Variants in ARHGEF3 observed in about 807,000 individuals in gnomAD.
ARHGEF3 encodes the protein Rho guanine nucleotide exchange factor 3, also known as 59.8 kDA protein.
ARHGEF3 carries 28 observed loss-of-function variants against 63.2 expected under a neutral mutation model. That is an observed-to-expected ratio of 0.44 (90% CI 0.33 to 0.61). The LOEUF (loss-of-function observed/expected upper bound fraction) is 0.61. Among genes scored for constraint, ARHGEF3 ranks in the 20% least tolerant of loss-of-function variants. ARHGEF3 has a pLI of 0.03. For missense variants in ARHGEF3, 533 were observed against 659.3 expected (o/e 0.81, Z 2.10); for synonymous variants, 266 against 254.2 (o/e 1.05, Z -0.44).
At chr3:57,010,661 T>C (rs886666029) in intron 2 of ARHGEF3, among the ~76,000 whole-genome samples, 3 of 152,268 alleles carry the variant, frequency 2.0e-5, no homozygotes, top group Non-Finnish European at 4.4e-5. Flanking sequence ...ACTTTAGGTG[T>C]GTAAAACTCC....
chr3:56,992,006 C>T (rs552087832), intron 2 of ARHGEF3, among the ~76,000 whole-genome samples: 1 of 147,824 alleles, frequency 6.8e-6, no homozygotes, highest in Non-Finnish European at 1.5e-5. Flanking sequence ...CACTCTCACT[C>T]TCTCTCCCCT....
intron 3 of ARHGEF3, among the ~76,000 whole-genome samples, chr3:56,892,018 G>C (rs1036960546): frequency 7.2e-5 from 11 of 152,140 alleles, no homozygotes; most frequent in African/African-American, 2.4e-4. Context: ...TCTCCCACGG[G>C]AGGGAAGACA....
chr3:56,820,233 A>G (rs2038429648), intron 4 of ARHGEF3, among the ~76,000 whole-genome samples: 1 of 152,220 alleles, frequency 6.6e-6, no homozygotes, highest in Non-Finnish European at 1.5e-5. Context: ...GTATCTGCTC[A>G]GCTGTATAAG....
chr3:57,035,339 TACA>T (rs912536560), intron 1 of ARHGEF3, among the ~76,000 whole-genome samples: 3 of 152,170 alleles, frequency 2.0e-5, no homozygotes, highest in Admixed American at 1.3e-4. Flanking sequence ...TTTTATCAGG[TACA>T]ACATTTTCTT....
chr3:56,834,187 G>A (rs2039027591), intron 4 of ARHGEF3, among the ~76,000 whole-genome samples: 1 of 152,104 alleles, frequency 6.6e-6, no homozygotes. Flanking sequence ...ACAAGCGTAA[G>A]CCACCACGCC....
Position 56,773,699 on chromosome 3 carries a change from C to A in ARHGEF3, c.204+10G>T. 6.4e-7 allele frequency: 1 copy of A among 1,565,304 alleles called. No individual in the cohort carries two copies. The highest frequency in any genetic ancestry group is 8.6e-7 in the Non-Finnish European group (1 of 1,161,976). On this transcript the variant is annotated intron_variant, in intron 2 of 9. Coordinates refer to ENST00000296315, the MANE Select transcript of ARHGEF3 (RefSeq NM_019555.3). ...TTTCTGCAACCACAGGCCCTGTGTG[C>A]CCTTCTTACCTGCAGGGTTTGACTG...
At chr3:57,035,255 T>C in intron 1 of ARHGEF3, 3 of 754,822 alleles carry the variant, frequency 4.0e-6, no homozygotes, top group Non-Finnish European at 6.0e-6. Context: ...CTGCATTAAA[T>C]ACAAGGGGAA....
chr3:56,916,849 C>A (rs6445839), intron 3 of ARHGEF3, among the ~76,000 whole-genome samples: 137,347 of 152,220 alleles, frequency 0.9, 62,247 homozygotes, highest in South Asian at 0.96. Context: ...ATCAGTAGCC[C>A]TGTCCGGGAT....
chr3:57,071,902 A>G (rs1705926988), intron 1 of ARHGEF3, among the ~76,000 whole-genome samples: 2 of 152,230 alleles, frequency 1.3e-5, no homozygotes, highest in Non-Finnish European at 2.9e-5. Context: ...GAATATATAA[A>G]GAACACTTAC....
At chr3:56,906,601 C>T (rs1031571578) in intron 3 of ARHGEF3, among the ~76,000 whole-genome samples, 28 of 152,180 alleles carry the variant, frequency 1.8e-4, no homozygotes, top group African/African-American at 4.8e-4. Context: ...TTCGGGAGGC[C>T]GAGGCAAGTG....
At chr3:57,074,151 G>A in intron 1 of ARHGEF3, 1 of 1,614,164 alleles carries the variant, frequency 6.2e-7, no homozygotes, top group African/African-American at 1.3e-5. Context: ...GGATATAGAT[G>A]CCGAGCCCAG....
intron 1 of ARHGEF3, among the ~76,000 whole-genome samples, chr3:57,039,531 C>T (rs114321201): frequency 0.011 from 1,672 of 152,256 alleles, 45 homozygotes; most frequent in African/African-American, 0.038. Context: ...TTACCACACG[C>T]TTAGTGACTT....
At chr3:57,005,360 T>C (rs181539670) in intron 2 of ARHGEF3, among the ~76,000 whole-genome samples, 13 of 152,220 alleles carry the variant, frequency 8.5e-5, no homozygotes, top group Non-Finnish European at 1.5e-4. Context: ...CCACAGTTAG[T>C]AAGTAGTGGA....
intron 2 of ARHGEF3, among the ~76,000 whole-genome samples, chr3:56,991,308 C>A (rs1425353292): frequency 6.6e-6 from 1 of 152,072 alleles, no homozygotes; most frequent in East Asian, 1.9e-4. Flanking sequence ...GTCACTAGTT[C>A]CTCCTTTGTG....
chr3:56,798,404 A>G (rs980784949), intron 1 of ARHGEF3, among the ~76,000 whole-genome samples: 1 of 152,244 alleles, frequency 6.6e-6, no homozygotes, highest in African/African-American at 2.4e-5. Context: ...TCTTACAAAA[A>G]TAACAGAAAC....
chr3:56,734,065 T>G lies in ARHGEF3; in HGVS notation c.1042-1641A>C, dbSNP rs2033426721. 1.3e-5 allele frequency among the ~76,000 whole-genome samples: 2 copies of G among 151,138 alleles called. 1 individual carries two copies. Among genetic ancestry groups the G allele is most frequent in the Non-Finnish European group, 2.9e-5 (2 of 67,896 alleles). ...AGAACCTTGGTTCTCTGAAGAGGGT[T>G]AAAAAGTTGACGACTGATGTGTGTG... On this transcript the variant is annotated intron_variant, in intron 8 of 9. Coordinates refer to ENST00000296315, the MANE Select transcript of ARHGEF3 (RefSeq NM_019555.3).
chr3:56,873,105 C>G (rs1369331080), intron 4 of ARHGEF3, among the ~76,000 whole-genome samples: 1 of 151,926 alleles, frequency 6.6e-6, no homozygotes, highest in Non-Finnish European at 1.5e-5. Context: ...CTCAGGTGAT[C>G]CTCCCACCTC....
In ARHGEF3 at chr3:56,959,431, T is replaced by C. The variant is rs541102614; in HGVS notation, c.63-542A>G. Among the ~76,000 whole-genome samples the C allele has an allele frequency of 2.0e-5, 3 of 152,288 alleles. No individual in the cohort carries two copies. In the South Asian group the frequency reaches 6.2e-4, roughly 32 times the overall value. On this transcript the variant is annotated intron_variant, in intron 2 of 12. Transcript: ENST00000338458. ...CATGAATCAATTTCCTTAGAGGCAG[T>C]GGAGGCAGCTTCAAGACAGACCAGC...
chr3:56,783,628 A>C (rs1232744236), intron 1 of ARHGEF3, among the ~76,000 whole-genome samples: 2 of 152,208 alleles, frequency 1.3e-5, no homozygotes, highest in Admixed American at 6.5e-5. Context: ...TAATTCAGTA[A>C]AATACAGGAC....
Sources: gnomAD v4.1 joint callset for allele counts (sites outside exome capture counted in the v4.1 genomes callset) on GRCh38, gnomAD v4.1.1 for gene constraint, MANE v1.5 for transcripts, NCBI Gene and HGNC (gene_info 2026-07-23, HGNC 2026-07-21) for gene names.